The following ITPR2 variants were observed in gnomAD, a reference collection of about 807,000 sequenced individuals.
ITPR2 encodes inositol 1,4,5-trisphosphate receptor type 2, also known as inositol 1,4,5-trisphosphate-gated calcium channel ITPR2.
Under a neutral mutation model 317.1 loss-of-function variants are expected in ITPR2, and 207 were observed. The ratio of observed to expected loss-of-function variants is 0.65; its 90% CI spans 0.58 to 0.73. ITPR2 has a LOEUF of 0.73. Among genes scored for constraint, ITPR2 ranks in the 30% least tolerant of loss-of-function variants. The pLI, the probability that ITPR2 is intolerant of heterozygous loss-of-function variation, is 0.00. For missense variants in ITPR2, 2,613 were observed against 3,284.0 expected (o/e 0.80, Z 4.99); for synonymous variants, 1,156 against 1,149.1 (o/e 1.01, Z -0.12).
intron 55 of ITPR2, among the ~76,000 whole-genome samples, chr12:26,368,221 G>A (rs576034457): frequency 6.6e-6 from 1 of 152,306 alleles, no homozygotes; most frequent in African/African-American, 2.4e-5. Flanking sequence ...AGCACTCAAA[G>A]AGTCTTTGGA....
intron 2 of ITPR2, among the ~76,000 whole-genome samples, chr12:26,750,969 C>A (rs1949403230): frequency 6.6e-6 from 1 of 152,180 alleles, no homozygotes; most frequent in African/African-American, 2.4e-5. Context: ...CAAGATCACG[C>A]AGCTAGTTAA....
chr12:26,416,996 G>A (rs185520385), intron 50 of ITPR2, among the ~76,000 whole-genome samples: 2 of 152,300 alleles, frequency 1.3e-5, no homozygotes, highest in Admixed American at 6.5e-5. Flanking sequence ...TACAAAAGCT[G>A]TTGACATTGG....
intron 8 of ITPR2, among the ~76,000 whole-genome samples, chr12:26,711,770 G>T (rs1041639981): frequency 6.6e-6 from 1 of 152,186 alleles, no homozygotes; most frequent in Non-Finnish European, 1.5e-5. Flanking sequence ...ACTAGGGAAG[G>T]CAACTTTAGA....
At chr12:26,770,325 C>T (rs1417680825) in intron 2 of ITPR2, among the ~76,000 whole-genome samples, 1 of 152,106 alleles carries the variant, frequency 6.6e-6, no homozygotes, top group Non-Finnish European at 1.5e-5. Flanking sequence ...ATTTCTGGGT[C>T]GACTGAGCTT....
chr12:26,596,577 G>A lies in ITPR2; in HGVS notation c.4254+306C>T, dbSNP rs112931350. On this transcript the variant is annotated intron_variant, in intron 31 of 56. Coordinates refer to ENST00000381340, the MANE Select transcript of ITPR2 (RefSeq NM_002223.4). Reference sequence around the variant, plus strand: ...CAGGAGAATCGCTTGAACCCAAGAGGTGGAGGCTGCAGTGAGTCGAAATCT... The same window carrying A: ...CAGGAGAATCGCTTGAACCCAAGAGATGGAGGCTGCAGTGAGTCGAAATCT... Among the ~76,000 whole-genome samples the A allele has an allele frequency of 9.5e-3, 1,434 of 151,438 alleles. 27 individuals are homozygous for A. Among genetic ancestry groups the A allele is most frequent in the African/African-American group, 0.033 (1,347 of 41,176 alleles).
intron 26 of ITPR2, among the ~76,000 whole-genome samples, chr12:26,607,976 C>G (rs1244474103): frequency 6.6e-6 from 1 of 152,006 alleles, no homozygotes; most frequent in African/African-American, 2.4e-5. Flanking sequence ...AAAAAATTAG[C>G]CAGGAGTGGT....
intron 26 of ITPR2, among the ~76,000 whole-genome samples, chr12:26,609,836 T>C (rs1170574842): frequency 6.6e-6 from 1 of 152,220 alleles, no homozygotes; most frequent in Non-Finnish European, 1.5e-5. Context: ...AGGATAAGAA[T>C]GTGTAAAACA....
chr12:26,566,471 G>GGAGGAGGGA (rs527282032), intron 34 of ITPR2, among the ~76,000 whole-genome samples: 65 of 136,626 alleles, frequency 4.8e-4, no homozygotes, highest in Middle Eastern at 4.6e-3. Context: ...GAGGAGAGGA[G>GGAGGAGGGA]GAGGAGGGAG....
intron 2 of ITPR2, among the ~76,000 whole-genome samples, chr12:26,752,091 C>T (rs1027411808): frequency 6.6e-6 from 1 of 152,234 alleles, no homozygotes; most frequent in African/African-American, 2.4e-5. Flanking sequence ...CATCTAAAAA[C>T]CCACCTTAAT....
At chr12:26,490,311 G>A (rs1051220820) in intron 39 of ITPR2, among the ~76,000 whole-genome samples, 6 of 152,196 alleles carry the variant, frequency 3.9e-5, no homozygotes, top group Admixed American at 6.5e-5. Flanking sequence ...GACACCAAAT[G>A]TCCCAGACAG....
At chr12:26,440,978 A>C (rs11048522) in intron 46 of ITPR2, among the ~76,000 whole-genome samples, 68,336 of 152,030 alleles carry the variant, frequency 0.45, 17,206 homozygotes, top group Non-Finnish European at 0.58. Flanking sequence ...ATGCTTATTC[A>C]GTCTTTAGGT....
At chr12:26,655,155 A>G (rs576992853) in intron 20 of ITPR2, among the ~76,000 whole-genome samples, 37 of 152,382 alleles carry the variant, frequency 2.4e-4, no homozygotes, top group Admixed American at 4.6e-4. Context: ...TAGAGATAAA[A>G]AAAAGTATCC....
chr12:26,510,224 T>C (rs1285649401), intron 37 of ITPR2, among the ~76,000 whole-genome samples: 12 of 152,162 alleles, frequency 7.9e-5, no homozygotes, highest in Admixed American at 7.2e-4. Flanking sequence ...TGCATACTAA[T>C]ATGCTAGTCT....
At chr12:26,467,838 T>C (rs1392712730) in intron 45 of ITPR2, among the ~76,000 whole-genome samples, 3 of 152,304 alleles carry the variant, frequency 2.0e-5, no homozygotes, top group Non-Finnish European at 4.4e-5. Context: ...AACCCAAAGA[T>C]TCTTAGTTGC....
chr12:26,809,884 A>T (rs1438694712), intron 1 of ITPR2, among the ~76,000 whole-genome samples: 1 of 152,128 alleles, frequency 6.6e-6, no homozygotes, highest in Non-Finnish European at 1.5e-5. Flanking sequence ...TTCTTTTTTC[A>T]GTTTTCTTAG....
intron 2 of ITPR2, among the ~76,000 whole-genome samples, chr12:26,731,263 G>A (rs954057139): frequency 2.6e-5 from 4 of 152,166 alleles, no homozygotes; most frequent in African/African-American, 9.7e-5. Context: ...TAACCATAGG[G>A]AACATGGTTA....
At chr12:26,353,297 A>C (rs1300354215) in intron 55 of ITPR2, among the ~76,000 whole-genome samples, 1 of 152,254 alleles carries the variant, frequency 6.6e-6, no homozygotes, top group Admixed American at 6.5e-5. Context: ...ATGATAATGA[A>C]AAGCCTGTTA....
intron 34 of ITPR2, among the ~76,000 whole-genome samples, chr12:26,575,955 C>A (rs935847595): frequency 1.1e-4 from 16 of 152,088 alleles, no homozygotes; most frequent in African/African-American, 3.9e-4. Flanking sequence ...ATTTCCCTGC[C>A]TTGCGTTTGC....
In ITPR2 at chr12:26,686,511, G is replaced by T. The variant is rs141739572; in HGVS notation, c.1118C>A (p.Thr373Asn). 6.2e-7 allele frequency: 1 copy of T among 1,608,288 alleles called. No individual in the cohort carries two copies. Among genetic ancestry groups the T allele is most frequent in the Non-Finnish European group, 8.5e-7 (1 of 1,177,004 alleles). Residue 373 changes from threonine to asparagine, a missense_variant, in exon 11 of 57, where the codon ACT becomes AAT. Around this residue, in one of 9 missense-constraint regions of ITPR2, gnomAD observed 515 missense variants for 789.4 expected, o/e 0.65. Coordinates refer to ENST00000381340, the MANE Select transcript of ITPR2 (RefSeq NM_002223.4). ...IASLFELDAT[T>N]LQRADCLVPR... is the part of the protein sequence containing the mutation. ...AACCAGGCAGTCAGCTCTCTGAAGA[G>T]TTGTGGCATCTAGTTCAAAAAGGGA... is the stretch of plus-strand genomic sequence containing the variant.
Sources: allele counts gnomAD v4.1 joint callset (sites outside exome capture counted in the v4.1 genomes callset), GRCh38; gene constraint gnomAD v4.1.1; regional missense constraint gnomAD v4.1.1; transcripts MANE v1.5; gene names NCBI Gene and HGNC (gene_info 2026-07-23, HGNC 2026-07-21).